The following CHD6 variants were observed in gnomAD, a reference collection of about 807,000 sequenced individuals.
CHD6 encodes the protein ATP-dependent chromatin remodeler CHD6.
Under a neutral mutation model 276.9 loss-of-function variants are expected in CHD6, and 50 were observed. The ratio of observed to expected loss-of-function variants is 0.18; its 90% CI spans 0.14 to 0.23. The LOEUF (loss-of-function observed/expected upper bound fraction) is 0.23. CHD6 is among the 10% of genes least tolerant of loss of function. The probability of loss-of-function intolerance (pLI) is 1.00; values close to 1 mark genes in which losing one functional copy is unlikely to be tolerated. For missense variants in CHD6, 2,564 were observed against 3,365.8 expected (o/e 0.76, Z 5.89); for synonymous variants, 1,173 against 1,229.3 (o/e 0.95, Z 0.96).
rs914493694 is a variant in CHD6 at position 41,593,212 on chromosome 20, G to GC, written c.-24+25127_-24+25128insG. On this transcript the variant is annotated intron_variant, in intron 1 of 36. Coordinates refer to ENST00000373233, the MANE Select transcript of CHD6 (RefSeq NM_032221.5). ...TCAGCCCAATCAAAAAGGGGGGGGG[G>GC]GGTTAAATAGTAAAAGAGGGATATG... Among the ~76,000 whole-genome samples, 39 of 147,700 alleles carry GC rather than the reference G, an allele frequency of 2.6e-4. 3 individuals are homozygous for GC. Among genetic ancestry groups the GC allele is most frequent in the Non-Finnish European group, 4.1e-4 (27 of 65,978 alleles).
rs2044154190 is a variant in CHD6, at chr20:41,512,851, C to T, written c.847G>A (p.Ala283Thr). 3 of 1,613,878 alleles carry T rather than the reference C, an allele frequency of 1.9e-6. No homozygotes were observed. Among genetic ancestry groups the T allele is most frequent in the Admixed American group, 1.7e-5 (1 of 60,004 alleles). ...ALSASTLAWQ[A>T]EEPPEDDANI... ...ACCTCATGCAAAGGCCATACCTCCG[C>T]CTGCCAGGCCAGTGTAGAGGCTGAG... Residue 283 changes from alanine to threonine, a missense_variant, in exon 5 of 37, where the codon GCG (alanine) becomes ACG (threonine). Physicochemically the swap from Ala to Thr is moderately conservative, Grantham distance 58 (BLOSUM62 0). Coordinates refer to ENST00000373233, the MANE Select transcript of CHD6 (RefSeq NM_032221.5).
intron 14 of CHD6, among the ~76,000 whole-genome samples, chr20:41,484,941 CA>C (rs1339626255): frequency 6.6e-6 from 1 of 152,056 alleles, no homozygotes; most frequent in African/African-American, 2.4e-5. Flanking sequence ...ACCACATGCA[CA>C]GTAATTACCT....
intron 1 of CHD6, among the ~76,000 whole-genome samples, chr20:41,580,567 G>A (rs1486630282): frequency 6.9e-6 from 1 of 145,100 alleles, no homozygotes; most frequent in African/African-American, 2.6e-5. Flanking sequence ...GGCTGAGACA[G>A]GAGGATTACA....
At chr20:41,560,093 A>G (rs1378515126) in intron 1 of CHD6, among the ~76,000 whole-genome samples, 2 of 152,024 alleles carry the variant, frequency 1.3e-5, no homozygotes, top group Non-Finnish European at 1.5e-5. Flanking sequence ...TTTGCCTGAA[A>G]CAGCCTCTTA....
At chr20:41,474,599 A>G (rs2043131687) in intron 16 of CHD6, among the ~76,000 whole-genome samples, 2 of 152,218 alleles carry the variant, frequency 1.3e-5, no homozygotes, top group South Asian at 2.1e-4. Context: ...AGCCAAGACC[A>G]TGAATCCTGG....
intron 27 of CHD6, among the ~76,000 whole-genome samples, chr20:41,432,276 A>G (rs1328738518): frequency 2.0e-5 from 3 of 152,142 alleles, no homozygotes; most frequent in African/African-American, 7.2e-5. Flanking sequence ...TAACTGCTAT[A>G]CCCCAGCCCA....
intron 1 of CHD6, among the ~76,000 whole-genome samples, chr20:41,614,195 T>C (rs1254051193): frequency 6.6e-6 from 1 of 152,342 alleles, no homozygotes; most frequent in Non-Finnish European, 1.5e-5. Context: ...CCTTTACTTA[T>C]TTAGAAAATT....
At chr20:41,595,137 C>T (rs978717902) in intron 1 of CHD6, among the ~76,000 whole-genome samples, 4 of 152,156 alleles carry the variant, frequency 2.6e-5, no homozygotes, top group African/African-American at 9.7e-5. Flanking sequence ...TCGAGACCCA[C>T]CTGGTGTGAC....
At chr20:41,414,687 C>T (rs2046940304) in intron 34 of CHD6, 3 of 281,994 alleles carry the variant, frequency 1.1e-5, no homozygotes, top group Admixed American at 5.0e-5. Context: ...TTCAACCCTC[C>T]GTGGTAGATG....
chr20:41,514,716 G>A (rs2044209108), intron 4 of CHD6, 89 bp downstream of exon 4: 2 of 1,445,014 alleles, frequency 1.4e-6, no homozygotes, highest in African/African-American at 1.4e-5. Flanking sequence ...GTGTGCTAGA[G>A]AAAGGCATAG....
chr20:41,610,700 G>C (rs1171306726), intron 1 of CHD6, among the ~76,000 whole-genome samples: 1 of 152,170 alleles, frequency 6.6e-6, no homozygotes, highest in Non-Finnish European at 1.5e-5. Context: ...GGAGCTTGCA[G>C]TGAGCTGAGA....
intron 1 of CHD6, among the ~76,000 whole-genome samples, chr20:41,611,067 G>A (rs1190337115): frequency 1.3e-5 from 2 of 152,192 alleles, no homozygotes; most frequent in Non-Finnish European, 2.9e-5. Flanking sequence ...AGCCTTACAA[G>A]ACACATCTAA....
intron 16 of CHD6, among the ~76,000 whole-genome samples, chr20:41,478,428 G>A (rs2145806894): frequency 6.6e-6 from 1 of 152,324 alleles, no homozygotes. Context: ...AGATCTTGGA[G>A]AAGAATAGAA....
chr20:41,433,853 C>G (rs1452768331), intron 27 of CHD6, among the ~76,000 whole-genome samples: 1 of 152,104 alleles, frequency 6.6e-6, no homozygotes, highest in African/African-American at 2.4e-5. Flanking sequence ...GGTTTCCACA[C>G]TTCACTTAAG....
intron 36 of CHD6, among the ~76,000 whole-genome samples, chr20:41,407,476 G>A (rs1320716975): frequency 6.6e-6 from 1 of 152,230 alleles, no homozygotes; most frequent in East Asian, 1.9e-4. Context: ...AGGCCTGAGG[G>A]CAGTTAAGAA....
chr20:41,617,490 G>A (rs1186812642), intron 1 of CHD6, among the ~76,000 whole-genome samples: 1 of 152,104 alleles, frequency 6.6e-6, no homozygotes, highest in Non-Finnish European at 1.5e-5. Context: ...TCCTAATAAC[G>A]CCTTTAAAAA....
rs766151618 is a variant in CHD6 at position 41,405,210 on chromosome 20, C to T, written c.7531G>A (p.Val2511Ile). 2 of 1,614,106 alleles carry T rather than the reference C, an allele frequency of 1.2e-6. No homozygotes were observed. Among genetic ancestry groups the T allele is most frequent in the Non-Finnish European group, 1.7e-6 (2 of 1,180,050 alleles). Residue 2511 changes from valine to isoleucine, a missense_variant, in exon 37 of 37, where the codon GTC becomes ATC. Coordinates refer to ENST00000373233, the MANE Select transcript of CHD6 (RefSeq NM_032221.5). ...GFATMPTGEEVKSTLSMLPMM... is the reference protein window; with the variant it reads ...GFATMPTGEEIKSTLSMLPMM... Reference sequence around the variant, plus strand: ...GGCAGCATGCTCAGGGTACTTTTGACCTCTTCACCTGTTGGCATCGTGGCA... The same window carrying T: ...GGCAGCATGCTCAGGGTACTTTTGATCTCTTCACCTGTTGGCATCGTGGCA...
intron 1 of CHD6, among the ~76,000 whole-genome samples, chr20:41,604,667 T>C (rs939372008): frequency 2.6e-5 from 4 of 152,216 alleles, no homozygotes; most frequent in African/African-American, 9.6e-5. Flanking sequence ...ACGTCTGCAC[T>C]GGATGTGAGG....
chr20:41,578,553 G>A (rs1337673617), intron 1 of CHD6, among the ~76,000 whole-genome samples: 1 of 151,898 alleles, frequency 6.6e-6, no homozygotes, highest in African/African-American at 2.4e-5. Flanking sequence ...AGGGGCAGGC[G>A]CCTATAATCC....
Sources: allele counts gnomAD v4.1 joint callset (sites outside exome capture counted in the v4.1 genomes callset), GRCh38; gene constraint gnomAD v4.1.1; transcripts MANE v1.5; gene names NCBI Gene and HGNC (gene_info 2026-07-23, HGNC 2026-07-21).